PIK3C2G: variants seen among roughly 807,000 people sequenced by gnomAD.
PIK3C2G encodes phosphatidylinositol-4-phosphate 3-kinase catalytic subunit type 2 gamma.
A neutral mutation model predicts 181.1 loss-of-function variants in PIK3C2G; 168 were observed. The ratio of observed to expected loss-of-function variants is 0.93; its 90% confidence interval spans 0.82 to 1.05. The LOEUF (loss-of-function observed/expected upper bound fraction) is 1.05. Ranked by LOEUF, PIK3C2G falls within the 50% of genes least tolerant of loss-of-function variation. The pLI is 0.00. For missense variants in PIK3C2G, 1,869 were observed against 1,732.8 expected, an observed-to-expected ratio of 1.08 and a Z score of -1.40; for synonymous variants, 573 against 592.2, an observed-to-expected ratio of 0.97 and a Z score of 0.47.
intron 31 of PIK3C2G, among the ~76,000 whole-genome samples, chr12:18,626,067 T>C (rs770359667): frequency 1.7e-4 from 25 of 150,274 alleles, no homozygotes; most frequent in Non-Finnish European, 3.6e-4. Context: ...TGTTACTAAC[T>C]GTATTGTTTT....
rs991040217 is a variant in PIK3C2G, at chr12:18,282,459, G to A, written c.378G>A (p.Trp126Ter). Residue 126 changes from tryptophan (W) to a stop codon, truncating the protein, a stop_gained, in exon 2 of 33, where the codon TGG becomes TGA. Transcript: ENST00000538779. LOFTEE classifies it high-confidence loss of function. Reference protein sequence around the residue: ...KPQNTNKECSWGSPIGKHHGA... With the variant: ...KPQNTNKECS ...AAAATACGAATAAAGAATGCTCCTG[G>A]GGAAGCCCCATAGGAAAACATCATG... is the stretch of plus-strand genomic sequence containing the variant. 3 of 1,592,336 alleles carry A rather than the reference G, an allele frequency of 1.9e-6. No individual in the cohort carries two copies. The highest frequency in any genetic ancestry group is 1.1e-5 in the South Asian group (1 of 90,442).
intron 31 of PIK3C2G, among the ~76,000 whole-genome samples, chr12:18,620,100 T>C (rs1458252675): frequency 6.6e-6 from 1 of 152,140 alleles, no homozygotes; most frequent in Non-Finnish European, 1.5e-5. Flanking sequence ...CCATGTCCAA[T>C]TGAGAAGGAT....
At chr12:18,499,722 G>A (rs1565452378) in intron 22 of PIK3C2G, among the ~76,000 whole-genome samples, 4 of 152,188 alleles carry the variant, frequency 2.6e-5, no homozygotes, top group Admixed American at 2.6e-4. Flanking sequence ...GCAAAACGCT[G>A]CTCAGGTGTT....
chr12:18,534,257 A>G lies in PIK3C2G; in HGVS notation c.3324-3899A>G, dbSNP rs138835421. ...GAGCCACCATGCCCAGCCTCTTGCT[A>G]TTTCTTACATCAAGTGAATTTATTT... On this transcript the variant is annotated intron_variant, in intron 24 of 32. Transcript: ENST00000538779. Among the ~76,000 whole-genome samples the G allele has an allele frequency of 3.3e-5, 5 of 151,942 alleles. No homozygotes were observed. In the East Asian group the frequency reaches 9.7e-4, roughly 30 times the overall value.
intron 32 of PIK3C2G, among the ~76,000 whole-genome samples, chr12:18,647,608 A>G (rs1950212085): frequency 1.3e-5 from 2 of 152,150 alleles, no homozygotes; most frequent in South Asian, 2.1e-4. Context: ...GTAATTTACC[A>G]TCTTGCTAAA....
intron 5 of PIK3C2G, among the ~76,000 whole-genome samples, chr12:18,310,753 G>T (rs1367559444): frequency 6.6e-6 from 1 of 151,552 alleles, no homozygotes; most frequent in Non-Finnish European, 1.5e-5. Context: ...CCCAACAAAT[G>T]AAAGGAAATA....
chr12:18,567,873 T>C (rs781706829), intron 29 of PIK3C2G, among the ~76,000 whole-genome samples: 20 of 152,170 alleles, frequency 1.3e-4, no homozygotes, highest in Non-Finnish European at 2.1e-4. Flanking sequence ...AAACAGGTTT[T>C]ATGGAATTAA....
chr12:18,399,677 A>G lies in PIK3C2G; in HGVS notation c.2145A>G (p.Lys715=). 2 of 1,565,520 alleles carry G rather than the reference A, an allele frequency of 1.3e-6. No individual in the cohort carries two copies. The highest frequency in any genetic ancestry group is 1.7e-6 in the Non-Finnish European group (2 of 1,148,736). The change falls in exon 16 of 33, where the codon AAA becomes AAG. Residue 715 remains lysine, a synonymous_variant. Transcript: ENST00000538779. ...QTPLLLSEEK[K]RYLWFYRFYC... ...TTTTCAGACTCTCTGAAGAAAAGAAAAGATATTTATGGTTTTATCGCTTCT... is the reference window on the plus strand; with the variant it reads ...TTTTCAGACTCTCTGAAGAAAAGAAGAGATATTTATGGTTTTATCGCTTCT...
chr12:18,659,663 C>CTTTTTTTTTT, the PIK3C2G span, among the ~76,000 whole-genome samples: 3 of 133,818 alleles, frequency 2.2e-5, no homozygotes, highest in Non-Finnish European at 4.8e-5. Context: ...GTTCTCCATT[C>CTTTTTTTTTT]TTTTTTTTTT....
At chr12:18,552,142 G>A (rs774814790) in intron 26 of PIK3C2G, among the ~76,000 whole-genome samples, 5 of 152,024 alleles carry the variant, frequency 3.3e-5, no homozygotes, top group African/African-American at 7.2e-5. Flanking sequence ...ATGGCATCCC[G>A]AGAGTGCACC....
At chr12:18,441,070 A>G (rs1050348921) in intron 18 of PIK3C2G, among the ~76,000 whole-genome samples, 8 of 152,148 alleles carry the variant, frequency 5.3e-5, no homozygotes, top group Admixed American at 3.9e-4. Context: ...AGAAAACTGA[A>G]GAGAAGCAGT....
intron 29 of PIK3C2G, among the ~76,000 whole-genome samples, chr12:18,585,433 A>C (rs1946718842): frequency 6.6e-6 from 1 of 151,990 alleles, no homozygotes; most frequent in Admixed American, 6.6e-5. Context: ...CAAAGATAAG[A>C]AAAGAAAAAA....
intron 1 of PIK3C2G, among the ~76,000 whole-genome samples, chr12:18,270,362 CT>C (rs2137049415): frequency 6.6e-6 from 1 of 152,186 alleles, no homozygotes; most frequent in African/African-American, 2.4e-5. Flanking sequence ...ATAAAACTCT[CT>C]TGAGCCCATC....
At position 18,419,053 on chromosome 12, in the gene PIK3C2G, C is replaced by G. The variant is rs78975969; in HGVS notation, c.2316-1888C>G. 7.0e-3 allele frequency among the ~76,000 whole-genome samples: 1,066 copies of G among 152,218 alleles called. 6 individuals carry two copies. The highest frequency in any genetic ancestry group is 0.019 in the African/African-American group (781 of 41,548). On this transcript the variant is annotated intron_variant, in intron 16 of 32. Coordinates refer to ENST00000538779, the MANE Select transcript of PIK3C2G (RefSeq NM_001288772.2). ...GGAAGGCTGGTAGTAAAGATGTTTA[C>G]GTGTAACGACAATGAGTTCAGGTTG... is the stretch of plus-strand genomic sequence containing the variant.
intron 1 of PIK3C2G, among the ~76,000 whole-genome samples, chr12:18,255,777 T>C (rs1049100356): frequency 6.6e-6 from 1 of 152,180 alleles, no homozygotes; most frequent in Non-Finnish European, 1.5e-5. Context: ...GTGGAACAAC[T>C]TGCAGTCAAT....
intron 18 of PIK3C2G, among the ~76,000 whole-genome samples, chr12:18,479,832 C>T (rs1426344651): frequency 1.3e-5 from 2 of 152,154 alleles, no homozygotes; most frequent in Non-Finnish European, 2.9e-5. Flanking sequence ...TGTCATAGGT[C>T]GTTGGCCAAA....
At chr12:18,674,369 A>G in the PIK3C2G span, among the ~76,000 whole-genome samples, 132 of 151,230 alleles carry the variant, frequency 8.7e-4, no homozygotes, top group African/African-American at 2.9e-3. Flanking sequence ...TTTGTTTTAC[A>G]TGTCTGCAAT....
chr12:18,523,715 G>A (rs1943055662), intron 24 of PIK3C2G, among the ~76,000 whole-genome samples: 1 of 152,202 alleles, frequency 6.6e-6, no homozygotes, highest in Non-Finnish European at 1.5e-5. Context: ...GAGTTGGGCA[G>A]GGCCAGATAC....
intron 15 of PIK3C2G, among the ~76,000 whole-genome samples, chr12:18,395,016 TTTC>T (rs528420310): frequency 0.14 from 19,009 of 139,446 alleles, 1,184 homozygotes; most frequent in African/African-American, 0.16. Flanking sequence ...CTTTCTTCTT[TTTC>T]TTTCTTTCTT....
Sources: allele counts gnomAD v4.1 joint callset (sites outside exome capture counted in the v4.1 genomes callset), GRCh38; gene constraint gnomAD v4.1.1; transcripts MANE v1.5; gene names NCBI Gene and HGNC (gene_info 2026-07-23, HGNC 2026-07-21).